FSTL5: variants seen among roughly 807,000 people sequenced by gnomAD.
The protein encoded by FSTL5 is follistatin like 5.
In FSTL5, 62 loss-of-function variants were observed where a neutral mutation model predicts 89.1. That is an observed-to-expected ratio of 0.70 (90% confidence interval 0.57 to 0.86). The LOEUF (loss-of-function observed/expected upper bound fraction) is 0.86, where lower values mean the gene tolerates loss of function less well. Ranked by LOEUF, FSTL5 falls within the 40% of genes least tolerant of loss-of-function variation. The pLI is 0.00. For synonymous variants in FSTL5, 383 were observed against 346.2 expected, an observed-to-expected ratio of 1.11 and a Z score of -1.18; for missense variants, 1,057 against 1,001.6, an observed-to-expected ratio of 1.06 and a Z score of -0.75.
At position 161,795,584 on chromosome 4, in the gene FSTL5, A is replaced by T. The variant is rs191330285; in HGVS notation, c.410-19510T>A. On this transcript the variant is annotated intron_variant, in intron 4 of 15. Coordinates refer to ENST00000306100, the MANE Select transcript of FSTL5 (RefSeq NM_020116.5). ...ACAGAGTGAAATTGGTACTATAGCG[A>T]AGCAAACAAACAATCCATCATCCCA... 2.1e-3 allele frequency among the ~76,000 whole-genome samples: 324 copies of T among 152,244 alleles called. 4 individuals are homozygous for T. The highest frequency in any genetic ancestry group is 7.6e-3 in the African/African-American group (315 of 41,588).
chr4:161,922,433 C>CA (rs1049129844), intron 3 of FSTL5, among the ~76,000 whole-genome samples: 4 of 151,812 alleles, frequency 2.6e-5, no homozygotes, highest in African/African-American at 9.7e-5. Flanking sequence ...AAAAACTTAG[C>CA]AAAAAATCAA....
At chr4:161,472,206 T>A (rs1177722565) in intron 13 of FSTL5, among the ~76,000 whole-genome samples, 2 of 152,168 alleles carry the variant, frequency 1.3e-5, no homozygotes, top group Non-Finnish European at 2.9e-5. Flanking sequence ...CTCGATCTCC[T>A]GACCTCGTGA....
intron 3 of FSTL5, among the ~76,000 whole-genome samples, chr4:161,985,366 T>C (rs1735935218): frequency 6.6e-6 from 1 of 152,184 alleles, no homozygotes; most frequent in African/African-American, 2.4e-5. Context: ...TCACATCACA[T>C]AGTTGTATAT....
At chr4:161,837,128 G>A (rs185040211) in intron 4 of FSTL5, among the ~76,000 whole-genome samples, 4 of 152,148 alleles carry the variant, frequency 2.6e-5, no homozygotes, top group African/African-American at 7.2e-5. Flanking sequence ...TTGAAAATAG[G>A]GTTTAAAAAG....
intron 13 of FSTL5, among the ~76,000 whole-genome samples, chr4:161,468,884 T>C (rs1578857166): frequency 6.6e-6 from 1 of 152,176 alleles, no homozygotes; most frequent in East Asian, 1.9e-4. Context: ...TCCAGATTTA[T>C]CTATTTCATT....
intron 2 of FSTL5, among the ~76,000 whole-genome samples, chr4:162,043,002 C>G (rs546747104): frequency 2.7e-5 from 4 of 150,252 alleles, no homozygotes; most frequent in South Asian, 2.1e-4. Context: ...TGCTAGATGA[C>G]GAGTTAGTGG....
intron 4 of FSTL5, among the ~76,000 whole-genome samples, chr4:161,826,366 A>C (rs1157231061): frequency 6.6e-6 from 1 of 152,128 alleles, no homozygotes; most frequent in Non-Finnish European, 1.5e-5. Context: ...GTTTGGTAGA[A>C]TGTTCTATAA....
At chr4:161,648,232 A>G (rs1292955958) in intron 7 of FSTL5, among the ~76,000 whole-genome samples, 2 of 152,198 alleles carry the variant, frequency 1.3e-5, no homozygotes, top group Non-Finnish European at 1.5e-5. Context: ...AGCCGCCTAT[A>G]GACTGCAAAA....
intron 4 of FSTL5, among the ~76,000 whole-genome samples, chr4:161,914,608 A>G (rs1182012952): frequency 2.0e-5 from 3 of 152,150 alleles, no homozygotes; most frequent in Non-Finnish European, 4.4e-5. Flanking sequence ...ATATTTCCAA[A>G]CTCATTGTAG....
rs368695376 is a variant in FSTL5 at position 161,920,548 on chromosome 4, A to G, written c.265T>C (p.Cys89Arg). 5.0e-5 allele frequency: 80 copies of G among 1,613,966 alleles called. No individual in the cohort carries two copies. The highest frequency in any genetic ancestry group is 1.7e-4 in the Admixed American group (10 of 59,972). Residue 89 changes from cysteine to arginine, a missense_variant, in exon 4 of 16, where the codon TGT becomes CGT. By Grantham distance (180) the Cys-to-Arg change is radical. Around this residue, in one of 3 missense-constraint regions of FSTL5, gnomAD observed 980 missense variants for 903.2 expected, o/e 1.08. Coordinates refer to ENST00000306100, the MANE Select transcript of FSTL5 (RefSeq NM_020116.5). The stretch of plus-strand genomic sequence containing the variant: ...TAGTGACGTTTGCAAAGGTCCATAC[A>G]GGCACATTCTGCTTGCCCTGTCTCT... ...SRETGQAECA[C>R]MDLCKRHYKP...
At chr4:162,018,324 G>C (rs962612248) in intron 3 of FSTL5, among the ~76,000 whole-genome samples, 2 of 152,098 alleles carry the variant, frequency 1.3e-5, no homozygotes, top group African/African-American at 2.4e-5. Context: ...TATTAAGCAA[G>C]ATTATGTAAG....
At chr4:161,859,297 CT>C (rs1342341465) in intron 4 of FSTL5, among the ~76,000 whole-genome samples, 2 of 152,182 alleles carry the variant, frequency 1.3e-5, no homozygotes, top group African/African-American at 4.8e-5. Context: ...ATTTACAAAC[CT>C]TTCTCAGCAC....
At position 161,386,337 on chromosome 4, in the gene FSTL5, A is replaced by T. The variant is rs896497668; in HGVS notation, c.1954T>A (p.Leu652Met). The change falls in exon 16 of 16, where the codon TTG (leucine) becomes ATG (methionine). Residue 652 changes from leucine to methionine, a missense_variant. Leu to Met is a conservative substitution (Grantham distance 15). Coordinates refer to ENST00000306100, the MANE Select transcript of FSTL5 (RefSeq NM_020116.5). Reference sequence around the variant, plus strand: ...TAGCCTCCCAAGTGTGTATATGCCAATGACTGAGGAACGCACTTATAGTCC... The same window carrying T: ...TAGCCTCCCAAGTGTGTATATGCCATTGACTGAGGAACGCACTTATAGTCC... ...LKDYKCVPQS[L>M]AYTHLGGYYF... is the part of the protein sequence containing the mutation. 1 of 1,613,878 alleles carries T rather than the reference A, an allele frequency of 6.2e-7. No homozygotes were observed. The highest frequency in any genetic ancestry group is 2.2e-5 in the East Asian group (1 of 44,864).
chr4:161,776,062 T>A lies in FSTL5; in HGVS notation c.422A>T (p.Lys141Met), dbSNP rs908657429. Residue 141 changes from lysine to methionine, a missense_variant, in exon 5 of 16, where the codon AAG becomes ATG. Physicochemically the swap from Lys to Met is moderately conservative, Grantham distance 95. Around this residue, in one of 3 missense-constraint regions of FSTL5, gnomAD observed 980 missense variants for 903.2 expected, o/e 1.08. Coordinates refer to ENST00000306100, the MANE Select transcript of FSTL5 (RefSeq NM_020116.5). Reference sequence around the variant, plus strand: ...TTTCATCTTGCTGTATTCAGTAGTCTTGCACTTATCTCCTGTAACAAAAGA... The same window carrying A: ...TTTCATCTTGCTGTATTCAGTAGTCATGCACTTATCTCCTGTAACAAAAGA... ...EDCFFKGDKC[K>M]TTEYSKMKNM... is the part of the protein sequence containing the mutation. 7.6e-5 allele frequency: 115 copies of A among 1,505,864 alleles called. No homozygotes were observed. The highest frequency in any genetic ancestry group is 9.6e-5 in the Non-Finnish European group (107 of 1,112,700). The allele number at this position is 1,505,864 out of a possible 1,614,324, so 93.3% of individuals were successfully genotyped here.
intron 11 of FSTL5, among the ~76,000 whole-genome samples, chr4:161,502,844 C>T (rs191147272): frequency 2.0e-4 from 31 of 151,772 alleles, no homozygotes; most frequent in African/African-American, 6.7e-4. Flanking sequence ...ATATAAATGA[C>T]CTGATGATGG....
intron 15 of FSTL5, among the ~76,000 whole-genome samples, chr4:161,437,362 C>A (rs990187681): frequency 6.6e-6 from 1 of 151,758 alleles, no homozygotes; most frequent in Admixed American, 6.6e-5. Context: ...GTCAGGAGAT[C>A]GAGACCATCC....
intron 3 of FSTL5, among the ~76,000 whole-genome samples, chr4:162,015,029 C>A (rs2111141175): frequency 6.6e-6 from 1 of 152,246 alleles, no homozygotes; most frequent in South Asian, 2.1e-4. Context: ...GTTCCTAGTG[C>A]AAACTTTCAG....
intron 15 of FSTL5, among the ~76,000 whole-genome samples, chr4:161,421,663 T>A (rs1045151680): frequency 2.0e-5 from 3 of 152,188 alleles, no homozygotes; most frequent in African/African-American, 7.2e-5. Context: ...AAGATTCACA[T>A]TTGAATTGGT....
chr4:161,832,130 G>C (rs1288900448), intron 4 of FSTL5, among the ~76,000 whole-genome samples: 1 of 152,040 alleles, frequency 6.6e-6, no homozygotes, highest in Admixed American at 6.6e-5. Context: ...ATAGTTTTAT[G>C]TGTGGTGTAT....
Sources: allele counts gnomAD v4.1 joint callset (sites outside exome capture counted in the v4.1 genomes callset), GRCh38; gene constraint gnomAD v4.1.1; regional missense constraint gnomAD v4.1.1; transcripts MANE v1.5; gene names NCBI Gene and HGNC (gene_info 2026-07-23, HGNC 2026-07-21).